THOC7: variants seen among roughly 807,000 people sequenced by gnomAD.
THOC7 encodes NIF3L1-binding protein 1.
THOC7 carries 22 observed loss-of-function variants against 33.1 expected under a neutral mutation model. The ratio of observed to expected loss-of-function variants is 0.66; its 90% CI spans 0.47 to 0.95. THOC7 has a LOEUF of 0.95. Ranked by LOEUF, THOC7 falls within the 40% of genes least tolerant of loss-of-function variation. The probability of loss-of-function intolerance (pLI) is 0.00; values close to 1 mark genes in which losing one functional copy is unlikely to be tolerated. For synonymous variants in THOC7, 77 were observed against 76.8 expected, an observed-to-expected ratio of 1.00 and a Z score of -0.01; for missense variants, 184 against 245.3, an observed-to-expected ratio of 0.75 and a Z score of 1.67.
chr3:63,834,282 C>T, intron 7 of THOC7, 83 bp from the exon 8 acceptor site: 1 of 1,329,354 alleles, frequency 7.5e-7, no homozygotes, highest in Non-Finnish European at 1.1e-6. Context: ...CATGTTTATC[C>T]TTTATTAGCC....
intron 1 of THOC7, 55 bp downstream of exon 1, chr3:63,863,717 G>A: frequency 2.4e-6 from 3 of 1,249,054 alleles, no homozygotes; most frequent in Non-Finnish European, 2.0e-6. Context: ...AGGGGTCTCA[G>A]GGGAGGCCCA....
intron 1 of THOC7, chr3:63,863,552 G>A (rs1444554289): frequency 3.3e-6 from 4 of 1,196,132 alleles, no homozygotes; most frequent in Non-Finnish European, 4.1e-6. Context: ...AAAGCCGAGG[G>A]TCTCCGAGGG....
At chr3:63,844,802 T>A (rs1474939530) in intron 1 of THOC7, among the ~76,000 whole-genome samples, 1 of 152,190 alleles carries the variant, frequency 6.6e-6, no homozygotes, top group Non-Finnish European at 1.5e-5. Context: ...TCCCACCCTC[T>A]AGAACCATAA....
intron 1 of THOC7, among the ~76,000 whole-genome samples, chr3:63,843,660 G>C (rs916295069): frequency 7.2e-5 from 11 of 152,110 alleles, no homozygotes; most frequent in African/African-American, 2.7e-4. Context: ...CAGCACTTTG[G>C]GAGGCCAAGG....
intron 5 of THOC7, among the ~76,000 whole-genome samples, chr3:63,835,984 G>A (rs1437071625): frequency 6.6e-6 from 1 of 151,914 alleles, no homozygotes; most frequent in African/African-American, 2.4e-5. Flanking sequence ...CACTGATTAT[G>A]TTTTGAGAGC....
chr3:63,846,282 C>T (rs751875506), intron 1 of THOC7: 1 of 429,072 alleles, frequency 2.3e-6, no homozygotes, highest in Admixed American at 2.6e-5. Context: ...AGATAATCCC[C>T]AAGCGACTTG....
chr3:63,863,820 C>CGGCGCA, upstream of THOC7: 2 of 1,232,624 alleles, frequency 1.6e-6, no homozygotes, highest in Non-Finnish European at 2.0e-6. Flanking sequence ...GCGGCGGCGG[C>CGGCGCA]GGCGCAAGCT....
chr3:63,838,069 G>C lies in THOC7; in HGVS notation c.266-7C>G, dbSNP rs1701671351. 5 of 1,583,084 alleles carry C rather than the reference G, an allele frequency of 3.2e-6. No homozygotes were observed. Among genetic ancestry groups the C allele is most frequent in the Middle Eastern group, 3.4e-4 (2 of 5,936 alleles). Reference sequence around the variant, plus strand: ...GCTCCAGCTATGCTACATTCTATATGAGAAGGTTTTTTAAAAGATAGTTGT... The same window carrying C: ...GCTCCAGCTATGCTACATTCTATATCAGAAGGTTTTTTAAAAGATAGTTGT... On this transcript the variant is annotated splice_region_variant and splice_polypyrimidine_tract_variant and intron_variant, in intron 3 of 7. Transcript: ENST00000295899.
chr3:63,838,660 T>C (rs1274434214), intron 2 of THOC7, among the ~76,000 whole-genome samples, 161 bp from the exon 3 acceptor site: 1 of 152,254 alleles, frequency 6.6e-6, no homozygotes, highest in Non-Finnish European at 1.5e-5. Context: ...GTTTTCTTTT[T>C]ATCAAATGTA....
chr3:63,838,331 T>TA (rs1376281213), intron 3 of THOC7, 41 bp downstream of exon 3: 2 of 1,341,864 alleles, frequency 1.5e-6, no homozygotes, highest in Non-Finnish European at 2.1e-6. Context: ...CTTTAGACCA[T>TA]AAAAAATAAA....
intron 1 of THOC7, chr3:63,846,009 A>AG (rs1343587526): frequency 5.5e-6 from 1 of 181,688 alleles, no homozygotes; most frequent in Non-Finnish European, 1.2e-5. Context: ...ATTGGCATTC[A>AG]GAAGCCTCAA....
At chr3:63,834,223 A>T (rs2107112849) in intron 7 of THOC7, 24 bp from the exon 8 acceptor site, 2 of 1,612,174 alleles carry the variant, frequency 1.2e-6, no homozygotes, top group East Asian at 4.5e-5. Flanking sequence ...GGAAACATAA[A>T]ACCTTAGTCA....
chr3:63,848,960 G>C (rs1701965184), intron 1 of THOC7, among the ~76,000 whole-genome samples: 1 of 152,164 alleles, frequency 6.6e-6, no homozygotes, highest in Non-Finnish European at 1.5e-5. Flanking sequence ...TGTTAGTACT[G>C]TTATTTTTAC....
At chr3:63,843,561 C>T (rs1701816106) in intron 1 of THOC7, among the ~76,000 whole-genome samples, 1 of 152,038 alleles carries the variant, frequency 6.6e-6, no homozygotes, top group Non-Finnish European at 1.5e-5. Flanking sequence ...TCACAATAGC[C>T]AAGGTATGGA....
upstream of THOC7, chr3:63,863,951 G>GCGCCGCCGCCGCCGC (rs1161401026): frequency 1.2e-4 from 10 of 81,062 alleles, no homozygotes; most frequent in South Asian, 1.5e-3. Flanking sequence ...GCGCCGCGCC[G>GCGCCGCCGCCGCCGC]CGCCGCCGCC....
chr3:63,862,634 T>C (rs796669163), intron 1 of THOC7, among the ~76,000 whole-genome samples: 3 of 152,324 alleles, frequency 2.0e-5, no homozygotes, highest in Non-Finnish European at 2.9e-5. Context: ...GTCTGGAAAT[T>C]TGGGCCTATC....
chr3:63,858,973 G>A (rs1427359773), intron 1 of THOC7, among the ~76,000 whole-genome samples: 1 of 152,194 alleles, frequency 6.6e-6, no homozygotes, highest in Non-Finnish European at 1.5e-5. Flanking sequence ...CGCAGACCCA[G>A]AGGAATGGAT....
chr3:63,839,621 A>T, intron 2 of THOC7, 35 bp downstream of exon 2: 1 of 1,558,680 alleles, frequency 6.4e-7, no homozygotes. Context: ...TCACATTAGG[A>T]CACTGGTATG....
At chr3:63,859,883 T>A (rs950109889) in intron 1 of THOC7, among the ~76,000 whole-genome samples, 4 of 152,230 alleles carry the variant, frequency 2.6e-5, no homozygotes, top group Non-Finnish European at 5.9e-5. Flanking sequence ...TCCTCTATGG[T>A]CTAGATATTC....
Sources: gnomAD v4.1 joint callset for allele counts (sites outside exome capture counted in the v4.1 genomes callset) on GRCh38, gnomAD v4.1.1 for gene constraint, MANE v1.5 for transcripts, NCBI Gene and HGNC (gene_info 2026-07-23, HGNC 2026-07-21) for gene names.